Variants in SERPINB10 observed in about 807,000 individuals in gnomAD.
SERPINB10 encodes serpin family B member 10.
Under a neutral mutation model 39.1 loss-of-function variants are expected in SERPINB10, and 35 were observed. That is an observed-to-expected ratio of 0.90 (90% confidence interval 0.68 to 1.19). SERPINB10 has a LOEUF of 1.19. Ranked by LOEUF, SERPINB10 falls within the 50% of genes most tolerant of loss-of-function variation. The probability of loss-of-function intolerance (pLI) is 0.00; values close to 1 mark genes in which losing one functional copy is unlikely to be tolerated. For missense variants in SERPINB10, 546 were observed against 460.5 expected (o/e 1.19, Z -1.70); for synonymous variants, 190 against 158.1 (o/e 1.20, Z -1.52).
chr18:63,910,915 A>G (rs1002979748), intron 1 of SERPINB10, among the ~76,000 whole-genome samples: 3 of 151,952 alleles, frequency 2.0e-5, no homozygotes, highest in Non-Finnish European at 2.9e-5. Flanking sequence ...TTACATTTCC[A>G]TCAACAGTGT....
At position 63,913,449 on chromosome 18, in the gene SERPINB10, G is replaced by T. The variant is rs377022567; in HGVS notation, c.-9-2053G>T. Among the ~76,000 whole-genome samples the T allele has an allele frequency of 9.2e-5, 14 of 151,932 alleles. 1 individual carries two copies. Among genetic ancestry groups the T allele is most frequent in the Admixed American group, 7.2e-4 (11 of 15,242 alleles). On this transcript the variant is annotated intron_variant, in intron 1 of 7. Coordinates refer to ENST00000238508, the MANE Select transcript of SERPINB10 (RefSeq NM_005024.3). ...TTTCCTCCTAACACTGCTTTTCGCT[G>T]CATCTTAGAGACTTTGGTATGTTAT...
intron 5 of SERPINB10, among the ~76,000 whole-genome samples, chr18:63,927,501 T>C (rs1440097965): frequency 6.6e-6 from 1 of 152,112 alleles, no homozygotes; most frequent in Non-Finnish European, 1.5e-5. Context: ...GGGCTTGCTC[T>C]ATAATTCCAA....
chr18:63,932,016 C>T (rs78976844), intron 6 of SERPINB10, among the ~76,000 whole-genome samples: 2,577 of 152,236 alleles, frequency 0.017, 88 homozygotes, highest in African/African-American at 0.059. Context: ...CAGCACGTAG[C>T]CTTTTGAGGC....
intron 1 of SERPINB10, among the ~76,000 whole-genome samples, chr18:63,913,094 ATTT>A (rs538210366): frequency 2.9e-3 from 441 of 151,880 alleles, no homozygotes; most frequent in Non-Finnish European, 5.2e-3. Flanking sequence ...TCTGAGGATC[ATTT>A]GTATTTCTCC....
At chr18:63,919,660 G>A in intron 4 of SERPINB10, 128 bp from the exon 5 acceptor site, 1 of 590,414 alleles carries the variant, frequency 1.7e-6, no homozygotes. Context: ...TCAGGAAAGA[G>A]AGGATGGAGT....
Position 63,935,220 on chromosome 18 carries a change from A to G in SERPINB10, c.1172A>G (p.Tyr391Cys). 1 of 1,594,204 alleles carries G rather than the reference A, an allele frequency of 6.3e-7. No homozygotes were observed. Among genetic ancestry groups the G allele is most frequent in the East Asian group, 2.2e-5 (1 of 44,734 alleles). Reference sequence around the variant, plus strand: ...AATAAAACCAACACCATTCTTTTTTATGGAAGATTATGCTCCCCCTAAATC... The same window carrying G: ...AATAAAACCAACACCATTCTTTTTTGTGGAAGATTATGCTCCCCCTAAATC... ...RHNKTNTILF[Y>C]GRLCSP is the part of the protein sequence containing the mutation. Residue 391 changes from tyrosine (Y) to cysteine (C), a missense_variant, in exon 8 of 8, where the codon TAT (tyrosine) becomes TGT (cysteine). Transcript: ENST00000238508.
chr18:63,929,295 A>T (rs2050202738), intron 5 of SERPINB10, among the ~76,000 whole-genome samples: 1 of 152,108 alleles, frequency 6.6e-6, no homozygotes, highest in Admixed American at 6.6e-5. Context: ...TTTTGTTAGA[A>T]ATTTAAAATT....
rs565886771 is a variant in SERPINB10, at chr18:63,932,301, G to A, written c.634-747G>A. On this transcript the variant is annotated intron_variant, in intron 6 of 7. Coordinates refer to ENST00000238508, the MANE Select transcript of SERPINB10 (RefSeq NM_005024.3). ...ACAAAATTGCTGCATCGTATGGTAA[G>A]ACTAGGTTAACTTAGTAAGAAACTG... Among the ~76,000 whole-genome samples, 15 of 152,302 alleles carry A rather than the reference G, an allele frequency of 9.8e-5. No individual in the cohort carries two copies. The South Asian group carries it at 2.1e-3, about 21-fold the overall frequency.
At position 63,915,595 on chromosome 18, in the gene SERPINB10, T is replaced by C; in HGVS notation, c.85T>C (p.Phe29Leu). Reference protein sequence around the residue: ...LAESAQGKNIFFSSWSISTSL... With the variant: ...LAESAQGKNILFSSWSISTSL... ...TGAATCTGCTCAGGGTAAAAATATCTTCTTTTCTTCCTGGAGCATCTCAAC... is the reference window on the plus strand; with the variant it reads ...TGAATCTGCTCAGGGTAAAAATATCCTCTTTTCTTCCTGGAGCATCTCAAC... Residue 29 changes from phenylalanine (F) to leucine (L), a missense_variant, in exon 2 of 8, where the codon TTC becomes CTC. Coordinates refer to ENST00000238508, the MANE Select transcript of SERPINB10 (RefSeq NM_005024.3). 6.2e-7 allele frequency: 1 copy of C among 1,612,880 alleles called. No homozygotes were observed. The highest frequency in any genetic ancestry group is 1.3e-5 in the African/African-American group (1 of 74,952).
In SERPINB10 at chr18:63,917,509, A is replaced by T; in HGVS notation, c.222A>T (p.Lys74Asn). Residue 74 changes from lysine (K) to asparagine (N), a missense_variant, in exon 3 of 8, where the codon AAA (lysine) becomes AAT (asparagine). Physicochemically the swap from Lys to Asn is moderately conservative, Grantham distance 94. Transcript: ENST00000238508. ...QGVKCDPESE[K>N]KRKMEFNLSN... Reference sequence around the variant, plus strand: ...TCAAATGTGACCCTGAAAGTGAAAAAAAAAGGAAAATGGTATATCTTATCC... The same window carrying T: ...TCAAATGTGACCCTGAAAGTGAAAATAAAAGGAAAATGGTATATCTTATCC... The T allele has an allele frequency of 6.4e-7, 1 of 1,569,448 alleles. No individual in the cohort carries two copies. The highest frequency in any genetic ancestry group is 1.8e-5 in the Admixed American group (1 of 54,582).
chr18:63,930,002 A>C, intron 5 of SERPINB10, 43 bp from the exon 6 acceptor site: 1 of 1,596,688 alleles, frequency 6.3e-7, no homozygotes, highest in Non-Finnish European at 8.5e-7. Context: ...TAAAATATAC[A>C]TATTTCTACA....
intron 3 of SERPINB10, 97 bp from the exon 4 acceptor site, chr18:63,917,868 T>G (rs909597120): frequency 8.8e-7 from 1 of 1,134,250 alleles, no homozygotes; most frequent in African/African-American, 1.6e-5. Flanking sequence ...CAACTTTTGT[T>G]TGCAATTCCC....
intron 5 of SERPINB10, among the ~76,000 whole-genome samples, chr18:63,920,339 C>T (rs1005389880): frequency 1.3e-5 from 2 of 151,972 alleles, no homozygotes; most frequent in Non-Finnish European, 2.9e-5. Flanking sequence ...ATGGATTAAA[C>T]TACTCTAAAG....
At chr18:63,925,477 A>T (rs1213602773) in intron 5 of SERPINB10, among the ~76,000 whole-genome samples, 2 of 151,994 alleles carry the variant, frequency 1.3e-5, no homozygotes, top group African/African-American at 4.8e-5. Context: ...GAATGTAAGG[A>T]AATGCTCAAA....
At chr18:63,926,936 T>C (rs773583359) in intron 5 of SERPINB10, among the ~76,000 whole-genome samples, 2 of 152,010 alleles carry the variant, frequency 1.3e-5, no homozygotes, top group Non-Finnish European at 2.9e-5. Flanking sequence ...TTTCTAATTG[T>C]TTATTGTTAG....
chr18:63,925,738 C>T (rs572267808), intron 5 of SERPINB10, among the ~76,000 whole-genome samples: 3 of 151,998 alleles, frequency 2.0e-5, no homozygotes, highest in South Asian at 2.1e-4. Context: ...AAATAGAAAA[C>T]CACCATCTGC....
chr18:63,919,874 C>T lies in SERPINB10; in HGVS notation c.459C>T (p.Asp153=), dbSNP rs143404102. ...AAGCTTCTGATCAAATCAGAAAGGA[C>T]ATCAACTCTTGGGTTGAAAGACAGA... ...FVEASDQIRK[D]INSWVERQTE... Residue 153 remains aspartate, a synonymous_variant, in exon 5 of 8, where the codon GAC becomes GAT. Transcript: ENST00000238508. The T allele has an allele frequency of 1.9e-5, 30 of 1,610,284 alleles. No individual in the cohort carries two copies. Among genetic ancestry groups the T allele is most frequent in the Non-Finnish European group, 2.5e-5 (29 of 1,177,934 alleles).
At chr18:63,923,606 G>A (rs151119109) in intron 5 of SERPINB10, among the ~76,000 whole-genome samples, 1,572 of 151,856 alleles carry the variant, frequency 0.01, 25 homozygotes, top group African/African-American at 0.035. Flanking sequence ...CTAGGCAGGG[G>A]TCTTTTTATT....
At chr18:63,932,121 A>G (rs1027505825) in intron 6 of SERPINB10, among the ~76,000 whole-genome samples, 3 of 152,188 alleles carry the variant, frequency 2.0e-5, no homozygotes, top group African/African-American at 7.2e-5. Flanking sequence ...TTAGGGTACA[A>G]TTGTACCACA....
Sources: allele counts gnomAD v4.1 joint callset (sites outside exome capture counted in the v4.1 genomes callset), GRCh38; gene constraint gnomAD v4.1.1; transcripts MANE v1.5; gene names NCBI Gene and HGNC (gene_info 2026-07-23, HGNC 2026-07-21).